The following DNAH8 variants were observed in gnomAD, a reference collection of about 807,000 sequenced individuals.
The protein encoded by DNAH8 is axonemal beta dynein heavy chain 8.
DNAH8 carries 382 observed loss-of-function variants against 562.1 expected under a neutral mutation model. The observed-to-expected ratio is 0.68, with a 90% CI of 0.63 to 0.74. The LOEUF is 0.74. DNAH8 is among the 30% of genes least tolerant of loss of function. DNAH8 has a pLI of 0.00. For missense variants in DNAH8, 5,203 were observed against 5,620.4 expected (o/e 0.93, Z 2.37); for synonymous variants, 1,881 against 1,919.4 (o/e 0.98, Z 0.52).
At chr6:38,950,940 A>G (rs574072082) in intron 81 of DNAH8, among the ~76,000 whole-genome samples, 40 of 151,670 alleles carry the variant, frequency 2.6e-4, no homozygotes, top group Non-Finnish European at 3.5e-4. Flanking sequence ...TGTGCACTAC[A>G]CAAATGGTAT....
At chr6:38,904,145 A>T (rs530987928) in intron 62 of DNAH8, among the ~76,000 whole-genome samples, 6 of 152,284 alleles carry the variant, frequency 3.9e-5, no homozygotes, top group Non-Finnish European at 2.9e-5. Flanking sequence ...TTGAATAAAT[A>T]AAAAAATGAC....
At chr6:39,017,679 A>G (rs1766652358) in intron 91 of DNAH8, among the ~76,000 whole-genome samples, 2 of 152,188 alleles carry the variant, frequency 1.3e-5, no homozygotes, top group Admixed American at 1.3e-4. Flanking sequence ...CATGCCAGTC[A>G]GTTGTGTCAG....
chr6:38,759,069 G>A (rs139964865), intron 10 of DNAH8, among the ~76,000 whole-genome samples: 1 of 152,270 alleles, frequency 6.6e-6, no homozygotes, highest in African/African-American at 2.4e-5. Context: ...TTGGGAGGCT[G>A]AGGTGGGAGG....
intron 44 of DNAH8, among the ~76,000 whole-genome samples, chr6:38,862,700 G>GA (rs1776728694): frequency 6.6e-6 from 1 of 152,126 alleles, no homozygotes; most frequent in Non-Finnish European, 1.5e-5. Flanking sequence ...TACGAAAATG[G>GA]AATCAATCTA....
At position 38,763,059 on chromosome 6, in the gene DNAH8, T is replaced by C. The variant is rs192304155; in HGVS notation, c.1617+1256T>C. On this transcript the variant is annotated intron_variant, in intron 11 of 92. Transcript: ENST00000327475. ...AAAGCAGCTCATAAAGTAGTGGTTT[T>C]AAAACATCATGGAAAGCAGCCAGTG... is the stretch of plus-strand genomic sequence containing the variant. 4.3e-4 allele frequency: 165 copies of C among 382,996 alleles called. 1 individual carries two copies. Among genetic ancestry groups the C allele is most frequent in the African/African-American group, 3.1e-3 (142 of 45,976 alleles). 23.7% of individuals were successfully genotyped at this position (382,996 alleles called of 1,614,324 possible).
At position 38,737,127 on chromosome 6, in the gene DNAH8, T is replaced by C; in HGVS notation, c.823T>C (p.Leu275=). The change falls in exon 6 of 93, where the codon TTG becomes CTG. Residue 275 remains leucine (L), a synonymous_variant. Transcript: ENST00000327475. ...KGLLNGIRDM[L]ANIFLPAVLA... ...ACTCTTAAATGGAATTAGGGATATG[T>C]TGGCAAATATATTTCTACCAGCTGT... 6.3e-7 allele frequency: 1 copy of C among 1,587,086 alleles called. No homozygotes were observed. Among genetic ancestry groups the C allele is most frequent in the East Asian group, 2.3e-5 (1 of 43,172 alleles).
At chr6:38,884,814 G>A (rs1000451185) in intron 56 of DNAH8, among the ~76,000 whole-genome samples, 1 of 152,154 alleles carries the variant, frequency 6.6e-6, no homozygotes, top group Admixed American at 6.5e-5. Context: ...GCCACACACC[G>A]TGGTTCTAGT....
At chr6:38,950,875 A>G (rs2150633754) in intron 81 of DNAH8, among the ~76,000 whole-genome samples, 1 of 151,196 alleles carries the variant, frequency 6.6e-6, no homozygotes, top group African/African-American at 2.4e-5. Context: ...GCTTTACCAT[A>G]TCAATATTAA....
At chr6:38,885,280 G>A (rs144769391) in intron 56 of DNAH8, among the ~76,000 whole-genome samples, 1,645 of 152,134 alleles carry the variant, frequency 0.011, 20 homozygotes, top group Non-Finnish European at 0.018. Flanking sequence ...TCAGCAAATA[G>A]CACCTCCACA....
intron 91 of DNAH8, among the ~76,000 whole-genome samples, chr6:39,024,606 C>G (rs1011657321): frequency 6.6e-6 from 1 of 152,140 alleles, no homozygotes; most frequent in African/African-American, 2.4e-5. Flanking sequence ...GTGGGAAGAT[C>G]ACTTGAGCCC....
At chr6:38,845,853 CTCTT>C in intron 36 of DNAH8, 80 bp downstream of exon 36, 1 of 1,197,112 alleles carries the variant, frequency 8.4e-7, no homozygotes, top group Non-Finnish European at 1.2e-6. Flanking sequence ...AGTTTTAAAG[CTCTT>C]TCATTGGATG....
intron 1 of DNAH8, among the ~76,000 whole-genome samples, chr6:38,718,942 C>T (rs185196990): frequency 6.6e-6 from 1 of 151,940 alleles, no homozygotes; most frequent in African/African-American, 2.4e-5. Context: ...AATTTCTTCC[C>T]TCTGCTTCTT....
In DNAH8 at chr6:38,984,223, G is replaced by C; in HGVS notation, c.12969G>C (p.Thr4323=). ...TAATAAAGGGTGTATCATGGAATAC[G>C]GTTCGGTACATGATCGGAGAAGTAC... ...CDIKKGVSWN[T]VRYMIGEVQY... The change falls in exon 87 of 93, where the codon ACG becomes ACC. Residue 4323 remains threonine (T), a synonymous_variant. Transcript: ENST00000327475. 1.3e-6 allele frequency: 2 copies of C among 1,592,172 alleles called. No homozygotes were observed. The highest frequency in any genetic ancestry group is 1.1e-5 in the South Asian group (1 of 90,302).
Position 38,898,321 on chromosome 6 carries a change from A to C in DNAH8, c.9004A>C (p.Ile3002Leu). Reference sequence around the variant, plus strand: ...TTACCAGAGACAGTTCAATGAAATCATTAGAGGAACATCTCTTGATCTGGT... The same window carrying C: ...TTACCAGAGACAGTTCAATGAAATCCTTAGAGGAACATCTCTTGATCTGGT... ...QFYQRQFNEI[I>L]RGTSLDLVFF... The change falls in exon 61 of 93, where the codon ATT becomes CTT. Residue 3002 changes from isoleucine (I) to leucine (L), a missense_variant. By Grantham distance (5) the Ile-to-Leu change is conservative. Around this residue, in one of 6 missense-constraint regions of DNAH8, gnomAD observed 977 missense variants for 1,061.8 expected, o/e 0.92. Coordinates refer to ENST00000327475, the MANE Select transcript of DNAH8 (RefSeq NM_001206927.2). 6.3e-7 allele frequency: 1 copy of C among 1,590,208 alleles called. No homozygotes were observed. The highest frequency in any genetic ancestry group is 8.5e-7 in the Non-Finnish European group (1 of 1,172,376).
chr6:38,868,700 A>AGT (rs1174215182), intron 48 of DNAH8, among the ~76,000 whole-genome samples: 12 of 150,090 alleles, frequency 8.0e-5, no homozygotes, highest in African/African-American at 2.9e-4. Context: ...TTTGAAACAG[A>AGT]CTCTCAGTCA....
At chr6:39,017,686 T>C (rs1766653071) in intron 91 of DNAH8, among the ~76,000 whole-genome samples, 1 of 152,232 alleles carries the variant, frequency 6.6e-6, no homozygotes, top group Non-Finnish European at 1.5e-5. Flanking sequence ...GTCAGTTGTG[T>C]CAGATATCAG....
chr6:38,862,491 G>A, intron 44 of DNAH8, 33 bp downstream of exon 44: 1 of 1,569,708 alleles, frequency 6.4e-7, no homozygotes, highest in Non-Finnish European at 8.6e-7. Context: ...TATTTTAGGT[G>A]AATTTATTTT....
At chr6:38,991,928 G>T (rs965178885) in intron 88 of DNAH8, among the ~76,000 whole-genome samples, 1 of 151,378 alleles carries the variant, frequency 6.6e-6, no homozygotes, top group African/African-American at 2.4e-5. Flanking sequence ...CTCCTGACCT[G>T]CTCTTCTCTA....
chr6:38,790,163 GGT>G, intron 19 of DNAH8, 124 bp from the exon 20 acceptor site: 1 of 722,188 alleles, frequency 1.4e-6, no homozygotes, highest in South Asian at 1.6e-5. Context: ...ATCTTTATTA[GGT>G]GTAATAGAGG....
Sources: gnomAD v4.1 joint callset for allele counts (sites outside exome capture counted in the v4.1 genomes callset) on GRCh38, gnomAD v4.1.1 for gene constraint, gnomAD v4.1.1 regional missense constraint, MANE v1.5 for transcripts, NCBI Gene and HGNC (gene_info 2026-07-23, HGNC 2026-07-21) for gene names.